MYO1E: variants seen among roughly 807,000 people sequenced by gnomAD.
The protein encoded by MYO1E is unconventional myosin-Ie.
Under a neutral mutation model 151.1 loss-of-function variants are expected in MYO1E, and 68 were observed. The observed-to-expected ratio is 0.45, with a 90% CI of 0.37 to 0.55. MYO1E has a LOEUF of 0.55. Among genes scored for constraint, MYO1E ranks in the 20% least tolerant of loss-of-function variants. The pLI, the probability that MYO1E is intolerant of heterozygous loss-of-function variation, is 0.00. For missense variants in MYO1E, 1,363 were observed against 1,389.3 expected, an observed-to-expected ratio of 0.98 and a Z score of 0.30; for synonymous variants, 601 against 501.7, an observed-to-expected ratio of 1.20 and a Z score of -2.64.
intron 26 of MYO1E, among the ~76,000 whole-genome samples, chr15:59,142,285 C>T (rs1285039630): frequency 6.6e-6 from 1 of 152,154 alleles, no homozygotes; most frequent in Non-Finnish European, 1.5e-5. Flanking sequence ...CAGGGAAAAA[C>T]CCTAGTGTCC....
intron 22 of MYO1E, 91 bp downstream of exon 22, chr15:59,171,806 C>G: frequency 6.4e-7 from 1 of 1,550,634 alleles, no homozygotes; most frequent in Non-Finnish European, 8.9e-7. Flanking sequence ...CTGGGAAGCC[C>G]AGCCCGGCCT....
intron 1 of MYO1E, among the ~76,000 whole-genome samples, chr15:59,282,689 T>C (rs2080359739): frequency 6.7e-6 from 1 of 149,122 alleles, no homozygotes; most frequent in African/African-American, 2.5e-5. Flanking sequence ...CTACACAAAA[T>C]CAAAACATTA....
intron 23 of MYO1E, 110 bp downstream of exon 23, chr15:59,163,040 GCCAGACC>G: frequency 8.1e-7 from 1 of 1,230,864 alleles, no homozygotes; most frequent in Non-Finnish European, 1.2e-6. Flanking sequence ...ACTGGGGCCA[GCCAGACC>G]CCACTCTTCT....
At chr15:59,249,953 C>A (rs1016379270) in intron 4 of MYO1E, among the ~76,000 whole-genome samples, 13 of 152,032 alleles carry the variant, frequency 8.6e-5, no homozygotes, top group African/African-American at 1.7e-4. Flanking sequence ...AGTTCCAAAA[C>A]CAGTTCCTTC....
chr15:59,186,133 C>T (rs1057094241), intron 18 of MYO1E, among the ~76,000 whole-genome samples: 2 of 152,144 alleles, frequency 1.3e-5, no homozygotes, highest in African/African-American at 4.8e-5. Flanking sequence ...GGCGTACTGA[C>T]GTCTTTAATT....
Position 59,210,582 on chromosome 15 carries a change from C to T in MYO1E, c.1294G>A (p.Gly432Arg). 2 of 1,600,778 alleles carry T rather than the reference C, an allele frequency of 1.2e-6. No individual in the cohort carries two copies. The highest frequency in any genetic ancestry group is 2.2e-5 in the South Asian group (2 of 90,758). Residue 432 changes from glycine to arginine, a missense_variant, in exon 13 of 28, where the codon GGA becomes AGA. Gly to Arg is a moderately radical substitution (Grantham distance 125, BLOSUM62 -2). Transcript: ENST00000288235. ...KAEQEEYVQE[G>R]IRWTPIEYFN... The stretch of plus-strand genomic sequence containing the variant: ...TACTCAATGGGTGTCCATCTTATTC[C>T]CTCTTGAACATATTCTTCCTGTAAC...
intron 1 of MYO1E, among the ~76,000 whole-genome samples, chr15:59,366,320 C>T (rs1481441070): frequency 3.3e-5 from 5 of 150,862 alleles, no homozygotes; most frequent in Non-Finnish European, 5.9e-5. Context: ...TTCTCTCTCT[C>T]TCTCTCACTC....
chr15:59,212,088 C>T (rs1272325027), intron 12 of MYO1E, among the ~76,000 whole-genome samples: 1 of 152,092 alleles, frequency 6.6e-6, no homozygotes, highest in African/African-American at 2.4e-5. Flanking sequence ...AGTTCCCATA[C>T]AATCTAGCCC....
chr15:59,307,505 C>G (rs372506139), intron 1 of MYO1E, among the ~76,000 whole-genome samples: 39 of 152,322 alleles, frequency 2.6e-4, no homozygotes, highest in African/African-American at 9.4e-4. Context: ...CATTTCCTTC[C>G]CACCTTCACT....
chr15:59,371,644 A>G (rs1314228372), intron 1 of MYO1E, among the ~76,000 whole-genome samples: 1 of 152,178 alleles, frequency 6.6e-6, no homozygotes, highest in Non-Finnish European at 1.5e-5. Context: ...CAAAGTGCCA[A>G]AGGGAAAACA....
intron 1 of MYO1E, among the ~76,000 whole-genome samples, chr15:59,273,809 C>T (rs1343510085): frequency 3.3e-5 from 5 of 152,208 alleles, no homozygotes; most frequent in East Asian, 3.8e-4. Context: ...CTGGGAGTGT[C>T]GCCAGTGGGT....
intron 1 of MYO1E, among the ~76,000 whole-genome samples, chr15:59,369,206 C>T (rs868814867): frequency 1.3e-5 from 2 of 152,160 alleles, no homozygotes; most frequent in African/African-American, 2.4e-5. Flanking sequence ...ATCAGCTATC[C>T]ATCAGATTTC....
chr15:59,246,740 C>G (rs560973524), intron 4 of MYO1E, among the ~76,000 whole-genome samples: 2 of 152,022 alleles, frequency 1.3e-5, no homozygotes, highest in Non-Finnish European at 2.9e-5. Flanking sequence ...GAGCTCTGGC[C>G]CCCAGACAAA....
chr15:59,158,284 T>A lies in MYO1E; in HGVS notation c.2878+3A>T. On this transcript the variant is annotated splice_donor_region_variant and intron_variant, in intron 25 of 27. Coordinates refer to ENST00000288235, the MANE Select transcript of MYO1E (RefSeq NM_004998.4). ...CCCAGACTACGGTACGTAGCTGGCT[T>A]ACCTGGGGGAGGAGGGGCAGCTCTC... 1 of 1,563,666 alleles carries A rather than the reference T, an allele frequency of 6.4e-7. No individual in the cohort carries two copies. Among genetic ancestry groups the A allele is most frequent in the Non-Finnish European group, 8.7e-7 (1 of 1,150,536 alleles).
At chr15:59,342,489 T>C (rs1241530584) in intron 1 of MYO1E, among the ~76,000 whole-genome samples, 2 of 152,246 alleles carry the variant, frequency 1.3e-5, no homozygotes, top group African/African-American at 4.8e-5. Flanking sequence ...ATTTAGGTCA[T>C]TCATCCATTT....
rs1373955840 is a variant in MYO1E at position 59,178,471 on chromosome 15, G to A, written c.1971C>T (p.His657=). 3.1e-6 allele frequency: 5 copies of A among 1,614,112 alleles called. No homozygotes were observed. The African/African-American group carries it at 4.0e-5, about 13-fold the overall frequency. The part of the protein sequence containing the change: ...WQGEEKQGVL[H]LLQSVNMDSD... Reference sequence around the variant, plus strand: ...TGTCCATGTTGACCGACTGCAGCAGGTGCAGGACGCCTTGCTTCTCCTCTC... The same window carrying A: ...TGTCCATGTTGACCGACTGCAGCAGATGCAGGACGCCTTGCTTCTCCTCTC... The change falls in exon 19 of 28, where the codon CAC becomes CAT. Residue 657 remains histidine, a synonymous_variant. Coordinates refer to ENST00000288235, the MANE Select transcript of MYO1E (RefSeq NM_004998.4).
intron 26 of MYO1E, among the ~76,000 whole-genome samples, chr15:59,147,374 C>T (rs913751618): frequency 2.0e-5 from 3 of 151,928 alleles, no homozygotes; most frequent in Admixed American, 6.6e-5. Flanking sequence ...CTGAGGTGGG[C>T]GGATCACTTG....
intron 16 of MYO1E, among the ~76,000 whole-genome samples, chr15:59,200,361 A>G (rs1198207371): frequency 6.6e-6 from 1 of 152,218 alleles, no homozygotes. Flanking sequence ...TCTGGGCCTC[A>G]TGAGAATTTC....
chr15:59,298,121 C>G (rs984456100), intron 1 of MYO1E, among the ~76,000 whole-genome samples: 6 of 152,152 alleles, frequency 3.9e-5, no homozygotes, highest in Admixed American at 3.9e-4. Context: ...GTAATTTTTC[C>G]TATTACAAAT....
Sources: gnomAD v4.1 joint callset for allele counts (sites outside exome capture counted in the v4.1 genomes callset) on GRCh38, gnomAD v4.1.1 for gene constraint, MANE v1.5 for transcripts, NCBI Gene and HGNC (gene_info 2026-07-23, HGNC 2026-07-21) for gene names.